Variants in TXNDC15 observed in about 807,000 individuals in gnomAD.
TXNDC15 encodes the protein thioredoxin domain containing 15, also known as thioredoxin domain-containing protein 15.
Under a neutral mutation model 35.0 loss-of-function variants are expected in TXNDC15, and 24 were observed. The ratio of observed to expected loss-of-function variants is 0.68; its 90% confidence interval spans 0.50 to 0.96. The LOEUF is 0.96. Ranked by LOEUF, TXNDC15 falls within the 40% of genes least tolerant of loss-of-function variation. TXNDC15 has a pLI of 0.00. For missense variants in TXNDC15, 385 were observed against 453.3 expected, an observed-to-expected ratio of 0.85 and a Z score of 1.37; for synonymous variants, 169 against 174.0, an observed-to-expected ratio of 0.97 and a Z score of 0.23.
chr5:134,893,748 G>T (rs544521751), intron 3 of TXNDC15, 93 bp downstream of exon 3: 46 of 1,520,648 alleles, frequency 3.0e-5, no homozygotes, highest in Admixed American at 2.9e-4. Flanking sequence ...AGCAGAAGAG[G>T]GGGGGCATGA....
intron 1 of TXNDC15, among the ~76,000 whole-genome samples, chr5:134,883,539 G>A (rs1344956889): frequency 6.7e-6 from 1 of 148,588 alleles, no homozygotes; most frequent in African/African-American, 2.5e-5. Flanking sequence ...CCCGGGAGGT[G>A]GTTGTGCCAC....
At position 134,874,411 on chromosome 5, in the gene TXNDC15, G is replaced by A. The variant is rs773379469; in HGVS notation, c.-17G>A. ...CGACTCGCGTAGCCGTGCGCCGATT[G>A]CCTCTCGGCCTGGGCAATGGTCCCG... On this transcript the variant is annotated 5_prime_UTR_variant, in exon 1 of 5. Transcript: ENST00000358387. 8.8e-6 allele frequency: 14 copies of A among 1,585,342 alleles called. No homozygotes were observed. In the East Asian group the frequency reaches 2.8e-4, roughly 32 times the overall value.
intron 3 of TXNDC15, among the ~76,000 whole-genome samples, chr5:134,894,591 G>A (rs1229606486): frequency 6.6e-6 from 1 of 152,054 alleles, no homozygotes; most frequent in Non-Finnish European, 1.5e-5. Flanking sequence ...TCGAACTCCT[G>A]ACCTTGTGAT....
intron 1 of TXNDC15, 97 bp from the exon 2 acceptor site, chr5:134,887,598 C>T: frequency 6.8e-7 from 1 of 1,475,490 alleles, no homozygotes. Context: ...TTTTTGTCTC[C>T]AGAGGGGAAA....
At chr5:134,875,996 T>C (rs1479589517) in intron 1 of TXNDC15, among the ~76,000 whole-genome samples, 2 of 152,174 alleles carry the variant, frequency 1.3e-5, no homozygotes, top group Non-Finnish European at 2.9e-5. Context: ...GCATATGCAG[T>C]AGATGTTATC....
At chr5:134,881,230 C>T (rs1401205354) in intron 1 of TXNDC15, among the ~76,000 whole-genome samples, 6 of 107,260 alleles carry the variant, frequency 5.6e-5, no homozygotes, top group African/African-American at 2.1e-4. Flanking sequence ...GGGTGTTTCT[C>T]GCAGAGGGGG....
chr5:134,874,043 T>C (rs1749972148), upstream of TXNDC15: 1 of 172,470 alleles, frequency 5.8e-6, no homozygotes, highest in African/African-American at 2.4e-5. Flanking sequence ...GGAAGGCTCC[T>C]GGGCCTTTCT....
intron 1 of TXNDC15, among the ~76,000 whole-genome samples, chr5:134,883,571 G>C (rs1311272104): frequency 2.8e-4 from 33 of 115,942 alleles, no homozygotes; most frequent in Non-Finnish European, 2.0e-4. Flanking sequence ...CTGGGTGACA[G>C]AGCGAGACCC....
At chr5:134,893,245 A>G (rs1159987299) in intron 2 of TXNDC15, 7 of 427,410 alleles carry the variant, frequency 1.6e-5, no homozygotes, top group Non-Finnish European at 2.5e-5. Context: ...GAAAGTTTAA[A>G]ACTTTCTGCT....
chr5:134,875,451 C>T (rs1182354573), intron 1 of TXNDC15: 1 of 453,968 alleles, frequency 2.2e-6, no homozygotes, highest in African/African-American at 2.0e-5. Flanking sequence ...GTACCAGATG[C>T]TGTGCTCAGT....
chr5:134,889,156 C>CA (rs1750337583), intron 2 of TXNDC15, among the ~76,000 whole-genome samples: 1 of 152,216 alleles, frequency 6.6e-6, no homozygotes, highest in South Asian at 2.1e-4. Flanking sequence ...AGGTGTCACT[C>CA]ACATGACTGG....
chr5:134,887,216 G>C (rs1296488478), intron 1 of TXNDC15, among the ~76,000 whole-genome samples: 1 of 152,140 alleles, frequency 6.6e-6, no homozygotes, highest in African/African-American at 2.4e-5. Context: ...ACGGAGTCTT[G>C]CTCTGTCGCC....
At chr5:134,895,923 G>A (rs555174035) in intron 3 of TXNDC15, 161 of 192,638 alleles carry the variant, frequency 8.4e-4, no homozygotes, top group Non-Finnish European at 1.5e-3. Context: ...TGAGGGACAG[G>A]GATGGGCATT....
intron 1 of TXNDC15, among the ~76,000 whole-genome samples, chr5:134,885,958 G>A (rs1270799945): frequency 1.3e-5 from 2 of 152,196 alleles, no homozygotes; most frequent in Non-Finnish European, 2.9e-5. Context: ...AATCCACAGA[G>A]CTCTATGCCC....
intron 4 of TXNDC15, among the ~76,000 whole-genome samples, chr5:134,898,659 G>C (rs1396711871): frequency 2.0e-5 from 3 of 152,176 alleles, no homozygotes; most frequent in African/African-American, 7.2e-5. Flanking sequence ...TGTGGAGAGG[G>C]AGCCATTTTA....
At chr5:134,880,656 T>C (rs1750123801) in intron 1 of TXNDC15, among the ~76,000 whole-genome samples, 1 of 152,058 alleles carries the variant, frequency 6.6e-6, no homozygotes, top group Non-Finnish European at 1.5e-5. Flanking sequence ...TTGGCTAGGC[T>C]GTTCTGGAAC....
rs1750565699 is a variant in TXNDC15, at chr5:134,899,773, G to A, written c.*88G>A. On this transcript the variant is annotated 3_prime_UTR_variant, in exon 5 of 5. Coordinates refer to ENST00000358387, the MANE Select transcript of TXNDC15 (RefSeq NM_024715.4). ...AGTTTCATACATTTTCTCCAGTGAC[G>A]TGTTGACTTGAAACTTCAGGCAGAT... The A allele has an allele frequency of 4.5e-6, 5 of 1,115,254 alleles. No homozygotes were observed. The highest frequency in any genetic ancestry group is 1.6e-5 in the African/African-American group (1 of 62,596). 69.1% of individuals were successfully genotyped at this position (1,115,254 alleles called of 1,614,324 possible). A position where few individuals can be genotyped will look rare whatever the true frequency, so the allele number is the denominator to read the frequency against.
chr5:134,885,570 C>G (rs1750259823), intron 1 of TXNDC15, among the ~76,000 whole-genome samples: 1 of 152,202 alleles, frequency 6.6e-6, no homozygotes, highest in African/African-American at 2.4e-5. Context: ...CTGCAGATCT[C>G]TGGAGTCCCC....
rs1226872674 is a variant in TXNDC15, at chr5:134,874,450, G to T, written c.23G>T (p.Arg8Leu). The change falls in exon 1 of 5, where the codon CGA becomes CTA. Residue 8 changes from arginine (R) to leucine (L), a missense_variant. Transcript: ENST00000358387. MVPAAGRRPPRVMRLLGW... is the reference protein window; with the variant it reads MVPAAGRLPPRVMRLLGW... ...GCAATGGTCCCGGCTGCCGGTCGAC[G>T]ACCGCCCCGCGTCATGCGGCTCCTC... is the stretch of plus-strand genomic sequence containing the variant. 3.7e-6 allele frequency: 6 copies of T among 1,602,428 alleles called. No individual in the cohort carries two copies. In the Admixed American group the frequency reaches 6.7e-5, roughly 18 times the overall value.
Sources: gnomAD v4.1 joint callset for allele counts (sites outside exome capture counted in the v4.1 genomes callset) on GRCh38, gnomAD v4.1.1 for gene constraint, MANE v1.5 for transcripts, NCBI Gene and HGNC (gene_info 2026-07-23, HGNC 2026-07-21) for gene names.